Variants in BCAT1 observed in about 807,000 individuals in gnomAD.
BCAT1 encodes the protein branched chain amino acid transaminase 1, also known as branched-chain-amino-acid aminotransferase, cytosolic.
BCAT1 carries 48 observed loss-of-function variants against 52.4 expected under a neutral mutation model. The observed-to-expected ratio is 0.92, with a 90% CI of 0.73 to 1.16. The LOEUF (loss-of-function observed/expected upper bound fraction) is 1.16. Ranked by LOEUF, BCAT1 falls within the 50% of genes most tolerant of loss-of-function variation. The pLI is 0.00. For missense variants in BCAT1, 451 were observed against 457.1 expected (o/e 0.99, Z 0.12); for synonymous variants, 167 against 161.3 (o/e 1.04, Z -0.27).
chr12:24,842,295 T>C (rs1941200588), intron 6 of BCAT1, 71 bp from the exon 7 acceptor site: 3 of 1,538,492 alleles, frequency 1.9e-6, no homozygotes, highest in East Asian at 2.3e-5. Flanking sequence ...TACCCTCTGA[T>C]AGCCTCAAGC....
Position 24,856,955 on chromosome 12 carries a change from T to C in BCAT1, c.511-7006A>G, listed in dbSNP as rs760147007. Among the ~76,000 whole-genome samples, 4 of 152,286 alleles carry C rather than the reference T, an allele frequency of 2.6e-5. No homozygotes were observed. The Middle Eastern group carries it at 0.01, about 388-fold the overall frequency. On this transcript the variant is annotated intron_variant, in intron 5 of 10. Transcript: ENST00000261192. Reference sequence around the variant, plus strand: ...CTCCTGATCTCTGCCATCCAGAGGGTGTGAATTTTGGGGTTCCTGTCAATT... The same window carrying C: ...CTCCTGATCTCTGCCATCCAGAGGGCGTGAATTTTGGGGTTCCTGTCAATT...
chr12:24,931,372 T>G (rs1220190864), intron 1 of BCAT1, among the ~76,000 whole-genome samples: 1 of 152,078 alleles, frequency 6.6e-6, no homozygotes, highest in Non-Finnish European at 1.5e-5. Context: ...GGAGGTCTAA[T>G]GTCAAACAAA....
rs1352630676 is a variant in BCAT1 at position 24,829,902 on chromosome 12, A to C, written c.1045-5T>G. ...CATAGTTGGAATGTGTATTGTCTAC[A>C]AAAGAAAGGGAAATGAGATAATTTG... On this transcript the variant is annotated splice_polypyrimidine_tract_variant and splice_region_variant and intron_variant, in intron 9 of 10. Coordinates refer to ENST00000261192, the MANE Select transcript of BCAT1 (RefSeq NM_005504.7). 1.3e-6 allele frequency: 2 copies of C among 1,598,896 alleles called. No homozygotes were observed. Among genetic ancestry groups the C allele is most frequent in the Non-Finnish European group, 1.7e-6 (2 of 1,171,464 alleles).
rs533083826 is a variant in BCAT1, at chr12:24,882,054, A to G, written c.280-643T>C. ...CAAAAATCAATAATTTTAGTGGGAA[A>G]ATTTAACACAGCTTCTCTAAGTAAT... is the stretch of plus-strand genomic sequence containing the variant. On this transcript the variant is annotated intron_variant, in intron 3 of 10. Transcript: ENST00000261192. Among the ~76,000 whole-genome samples the G allele has an allele frequency of 2.6e-5, 4 of 152,348 alleles. No homozygotes were observed. In the East Asian group the frequency reaches 7.7e-4, roughly 29 times the overall value.
At chr12:24,844,571 C>T (rs1001361507) in intron 6 of BCAT1, among the ~76,000 whole-genome samples, 1 of 151,838 alleles carries the variant, frequency 6.6e-6, no homozygotes, top group South Asian at 2.1e-4. Flanking sequence ...CATTGGAGCA[C>T]GATGAGGTTG....
intron 3 of BCAT1, among the ~76,000 whole-genome samples, chr12:24,882,209 C>T (rs1038660197): frequency 6.6e-6 from 1 of 152,144 alleles, no homozygotes; most frequent in African/African-American, 2.4e-5. Flanking sequence ...TTTCCAAACA[C>T]AAGATAAGCC....
chr12:24,814,742 T>A lies in BCAT1; in HGVS notation c.*3266A>T, dbSNP rs1404498199. 1 of 151,740 alleles carries A rather than the reference T, an allele frequency of 6.6e-6. No homozygotes were observed. Among genetic ancestry groups the A allele is most frequent in the East Asian group, 1.9e-4 (1 of 5,178 alleles). The allele number at this position is 151,740 out of a possible 1,614,324, so 9.4% of individuals were successfully genotyped here. A position where few individuals can be genotyped will look rare whatever the true frequency, so the allele number is the denominator to read the frequency against. On this transcript the variant is annotated 3_prime_UTR_variant, in exon 11 of 11. Coordinates refer to ENST00000261192, the MANE Select transcript of BCAT1 (RefSeq NM_005504.7). The stretch of plus-strand genomic sequence containing the variant: ...TCTTCAAGAGAGCTGACATTGCATG[T>A]TACCATCTAGCTGATGTTACGCTCT...
At chr12:24,895,548 AAGAAG>A (rs1174478225) in intron 2 of BCAT1, among the ~76,000 whole-genome samples, 3 of 151,880 alleles carry the variant, frequency 2.0e-5, no homozygotes, top group Non-Finnish European at 4.4e-5. Flanking sequence ...AAGAAAAGAA[AAGAAG>A]AGAAAAGAGA....
rs1005599529 is a variant in BCAT1, at chr12:24,833,025, A to G, written c.904-162T>C. Reference sequence around the variant, plus strand: ...GTGGCACACCATCTTACTGGTGAACACATCGAGGTGTTAAGTAACCTACTT... The same window carrying G: ...GTGGCACACCATCTTACTGGTGAACGCATCGAGGTGTTAAGTAACCTACTT... On this transcript the variant is annotated intron_variant, in intron 8 of 10. Coordinates refer to ENST00000261192, the MANE Select transcript of BCAT1 (RefSeq NM_005504.7). Among the ~76,000 whole-genome samples, 3 of 152,226 alleles carry G rather than the reference A, an allele frequency of 2.0e-5. No individual in the cohort carries two copies. In the East Asian group the frequency reaches 5.8e-4, roughly 29 times the overall value.
chr12:24,904,298 G>A (rs1943188935), intron 1 of BCAT1: 1 of 152,348 alleles, frequency 6.6e-6, no homozygotes, highest in African/African-American at 2.4e-5. Flanking sequence ...CGCCTCCCCG[G>A]TTCAAGCAAT....
intron 9 of BCAT1, 82 bp downstream of exon 9, chr12:24,832,641 A>T (rs1940721791): frequency 1.4e-6 from 2 of 1,429,022 alleles, no homozygotes; most frequent in South Asian, 3.0e-5. Flanking sequence ...CTGGGTCCAG[A>T]TACAATTTTA....
At chr12:24,898,368 T>C (rs767139351) in intron 2 of BCAT1, among the ~76,000 whole-genome samples, 87 of 152,098 alleles carry the variant, frequency 5.7e-4, no homozygotes, top group Middle Eastern at 6.8e-3. Flanking sequence ...TGGCAAGAAA[T>C]ATTGAGAAAA....
intron 1 of BCAT1, among the ~76,000 whole-genome samples, chr12:24,947,862 A>T (rs1390311757): frequency 6.6e-6 from 1 of 152,266 alleles, no homozygotes; most frequent in African/African-American, 2.4e-5. Flanking sequence ...CCAGAAATAG[A>T]ACCTCTAACT....
chr12:24,857,780 T>C (rs1941734232), intron 5 of BCAT1, among the ~76,000 whole-genome samples: 1 of 152,200 alleles, frequency 6.6e-6, no homozygotes, highest in Non-Finnish European at 1.5e-5. Flanking sequence ...TACCTAATGT[T>C]TTTTACTTGT....
Position 24,836,594 on chromosome 12 carries a change from C to A in BCAT1, c.820G>T (p.Glu274Ter). 2 of 1,610,466 alleles carry A rather than the reference C, an allele frequency of 1.2e-6. No individual in the cohort carries two copies. Among genetic ancestry groups the A allele is most frequent in the Non-Finnish European group, 1.7e-6 (2 of 1,178,076 alleles). ...FLYWINEDGEEELATPPLDGI... is the reference protein window; with the variant it reads ...FLYWINEDGE ...TCTAGTGGAGGAGTTGCCAGTTCTT[C>A]TTCTGTCAATCAGAAATTGGGACAT... Residue 274 changes from glutamate (E) to a stop codon, truncating the protein, a stop_gained and splice_region_variant, in exon 8 of 11, where the codon GAA becomes TAA. Transcript: ENST00000261192. LOFTEE classifies it high-confidence loss of function.
intron 9 of BCAT1, among the ~76,000 whole-genome samples, chr12:24,831,422 G>C (rs938573590): frequency 6.6e-6 from 1 of 152,160 alleles, no homozygotes; most frequent in Non-Finnish European, 1.5e-5. Flanking sequence ...GTCAAGGCAG[G>C]TGAATCACTT....
intron 5 of BCAT1, among the ~76,000 whole-genome samples, chr12:24,861,583 T>C (rs71450460): frequency 0.031 from 4,740 of 152,298 alleles, 108 homozygotes; most frequent in Middle Eastern, 0.061. Context: ...AAAAATATCA[T>C]CACCTGTATT....
intron 1 of BCAT1, among the ~76,000 whole-genome samples, chr12:24,916,530 CTTTTTGTT>C (rs1235521603): frequency 6.6e-6 from 1 of 151,866 alleles, no homozygotes; most frequent in East Asian, 1.9e-4. Context: ...TGTTTGTTTG[CTTTTTGTT>C]TTTTTGTTTG....
intron 3 of BCAT1, among the ~76,000 whole-genome samples, chr12:24,883,340 C>T (rs995489929): frequency 4.6e-5 from 7 of 152,120 alleles, no homozygotes; most frequent in African/African-American, 1.7e-4. Context: ...TGGCTACTAT[C>T]AAAAAGATAA....
Sources: allele counts gnomAD v4.1 joint callset (sites outside exome capture counted in the v4.1 genomes callset), GRCh38; gene constraint gnomAD v4.1.1; transcripts MANE v1.5; gene names NCBI Gene and HGNC (gene_info 2026-07-23, HGNC 2026-07-21).